The following LY9 variants were observed in gnomAD, a reference collection of about 807,000 sequenced individuals.
LY9 encodes T-lymphocyte surface antigen Ly-9.
Under a neutral mutation model 64.6 loss-of-function variants are expected in LY9, and 59 were observed. The observed-to-expected ratio is 0.91, with a 90% CI of 0.74 to 1.13. LY9 has a LOEUF of 1.13. Ranked by LOEUF, LY9 falls within the 50% of genes most tolerant of loss-of-function variation. The pLI, the probability that LY9 is intolerant of heterozygous loss-of-function variation, is 0.00. For missense variants in LY9, 789 were observed against 797.2 expected (o/e 0.99, Z 0.12); for synonymous variants, 281 against 308.5 (o/e 0.91, Z 0.93).
At chr1:160,825,687 A>G (rs1354336716) in intron 9 of LY9, among the ~76,000 whole-genome samples, 2 of 152,168 alleles carry the variant, frequency 1.3e-5, no homozygotes, top group Non-Finnish European at 2.9e-5. Flanking sequence ...AGGCAGGTGG[A>G]TCACCTGAGG....
chr1:160,827,167 T>C (rs1213999784), intron 9 of LY9, among the ~76,000 whole-genome samples: 1 of 152,176 alleles, frequency 6.6e-6, no homozygotes, highest in East Asian at 1.9e-4. Context: ...CCTACTTTAG[T>C]TCTTATTTCT....
intron 2 of LY9, among the ~76,000 whole-genome samples, chr1:160,805,739 T>TCACA (rs1491182156): frequency 7.0e-4 from 78 of 111,950 alleles, no homozygotes; most frequent in East Asian, 3.3e-3. Context: ...TCTCTCTCTG[T>TCACA]CTCACACACA....
intron 2 of LY9, chr1:160,802,150 G>A (rs1666557757): frequency 2.3e-6 from 3 of 1,298,248 alleles, no homozygotes; most frequent in Admixed American, 3.7e-5. Context: ...AGCCGCTGAC[G>A]CCCGCAGGAA....
At chr1:160,807,449 G>C (rs931335206) in intron 2 of LY9, among the ~76,000 whole-genome samples, 2 of 152,204 alleles carry the variant, frequency 1.3e-5, no homozygotes, top group African/African-American at 4.8e-5. Context: ...AGGCCACAGT[G>C]GTGGCAGCAT....
At chr1:160,805,389 T>G (rs1229024790) in intron 2 of LY9, among the ~76,000 whole-genome samples, 2 of 152,144 alleles carry the variant, frequency 1.3e-5, no homozygotes, top group Non-Finnish European at 2.9e-5. Flanking sequence ...TTAATTTCCA[T>G]GTATTTGTAT....
chr1:160,796,487 G>T (rs969889373), intron 1 of LY9, among the ~76,000 whole-genome samples, 176 bp downstream of exon 1: 12 of 152,056 alleles, frequency 7.9e-5, no homozygotes, highest in African/African-American at 2.9e-4. Context: ...CCACCTCCTG[G>T]GTTCAAGCGA....
chr1:160,798,859 T>G (rs1356072124), intron 1 of LY9: 1 of 152,174 alleles, frequency 6.6e-6, no homozygotes, highest in Non-Finnish European at 1.5e-5. Context: ...CAAACCCATC[T>G]GTTTTGGTCT....
rs1331401772 is a variant in LY9 at position 160,824,170 on chromosome 1, G to A, written c.1831-11G>A. 6.2e-7 allele frequency: 1 copy of A among 1,614,028 alleles called. No individual in the cohort carries two copies. The highest frequency in any genetic ancestry group is 8.5e-7 in the Non-Finnish European group (1 of 1,180,016). ...GGTCACTAGGGCTCATCTGCTGTTG[G>A]TGTGTTACAGGGAAAGACCCCAGTT... On this transcript the variant is annotated splice_polypyrimidine_tract_variant and intron_variant, in intron 8 of 9. Coordinates refer to ENST00000263285, the MANE Select transcript of LY9 (RefSeq NM_002348.4).
intron 9 of LY9, among the ~76,000 whole-genome samples, chr1:160,826,907 T>A (rs1668880682): frequency 1.3e-5 from 2 of 152,190 alleles, no homozygotes; most frequent in Admixed American, 1.3e-4. Context: ...CGGTCAAACT[T>A]AAAGTCAGTC....
At position 160,818,321 on chromosome 1, in the gene LY9, T is replaced by A. The variant is rs1454587501; in HGVS notation, c.1444+2T>A. ...GCATTTGGAAGCGAAAAGGACGGTG[T>A]GAGTTTCCGAGATCAATGTTGTCCG... On this transcript the variant is annotated splice_donor_variant, in intron 6 of 9. Transcript: ENST00000263285. LOFTEE classifies it high-confidence loss of function. 3 of 1,612,288 alleles carry A rather than the reference T, an allele frequency of 1.9e-6. No homozygotes were observed. Among genetic ancestry groups the A allele is most frequent in the Non-Finnish European group, 2.5e-6 (3 of 1,178,372 alleles).
chr1:160,803,290 A>ATTT (rs55716945), intron 2 of LY9, among the ~76,000 whole-genome samples: 125 of 151,042 alleles, frequency 8.3e-4, no homozygotes, highest in Admixed American at 3.3e-3. Context: ...CTAAAAAAAA[A>ATTT]TTTTTTTTTT....
intron 2 of LY9, among the ~76,000 whole-genome samples, chr1:160,800,881 C>G (rs1666398728): frequency 6.6e-6 from 1 of 152,186 alleles, no homozygotes; most frequent in South Asian, 2.1e-4. Context: ...TGACTTCATT[C>G]TTTTGTGGCT....
intron 2 of LY9, among the ~76,000 whole-genome samples, chr1:160,808,546 G>A (rs527365979): frequency 6.6e-6 from 1 of 152,258 alleles, no homozygotes; most frequent in Non-Finnish European, 1.5e-5. Context: ...GGCCAGGACT[G>A]CATGATTCTG....
chr1:160,802,770 C>G (rs776879242), intron 2 of LY9: 4 of 672,056 alleles, frequency 6.0e-6, no homozygotes, highest in Non-Finnish European at 7.3e-6. Flanking sequence ...TTGGATTTGT[C>G]AAAGGTCAAT....
At chr1:160,801,667 A>T (rs986913415) in intron 2 of LY9, 7 of 709,304 alleles carry the variant, frequency 9.9e-6, no homozygotes, top group Non-Finnish European at 4.7e-6. Flanking sequence ...GTTTTCTTCT[A>T]GTATTTTTAT....
chr1:160,821,158 A>AAAAAAAAAAAAAAAC (rs1668407548), intron 7 of LY9, among the ~76,000 whole-genome samples: 1 of 150,398 alleles, frequency 6.6e-6, no homozygotes, highest in Admixed American at 6.6e-5. Flanking sequence ...TGCTAAAAAA[A>AAAAAAAAAAAAAAAC]AAAAAAAAAA....
At chr1:160,821,301 A>G (rs570087155) in intron 7 of LY9, among the ~76,000 whole-genome samples, 14 of 152,282 alleles carry the variant, frequency 9.2e-5, no homozygotes, top group African/African-American at 2.2e-4. Flanking sequence ...GAAACTTTTA[A>G]TGCATTTGCA....
At chr1:160,802,008 C>T (rs1186293406) in intron 2 of LY9, 1 of 1,516,380 alleles carries the variant, frequency 6.6e-7, no homozygotes, top group Admixed American at 2.1e-5. Context: ...CGATGGGACC[C>T]TGCCAGGCCC....
At position 160,813,843 on chromosome 1, in the gene LY9, T is replaced by A. The variant is rs1271952742; in HGVS notation, c.662T>A (p.Ile221Asn). ...CCATGTGACCCAGACCTGCCATACA[T>A]CTGCACAGCCCAGAACCCCGTCAGC... ...RTPCDPDLPY[I>N]CTAQNPVSQR... The change falls in exon 3 of 10, where the codon ATC (isoleucine) becomes AAC (asparagine). Residue 221 changes from isoleucine (I) to asparagine (N), a missense_variant. Ile to Asn is a moderately radical substitution (Grantham distance 149). Coordinates refer to ENST00000263285, the MANE Select transcript of LY9 (RefSeq NM_002348.4). The A allele has an allele frequency of 6.2e-7, 1 of 1,614,154 alleles. No individual in the cohort carries two copies. The highest frequency in any genetic ancestry group is 8.5e-7 in the Non-Finnish European group (1 of 1,180,022).
Sources: gnomAD v4.1 joint callset for allele counts (sites outside exome capture counted in the v4.1 genomes callset) on GRCh38, gnomAD v4.1.1 for gene constraint, MANE v1.5 for transcripts, NCBI Gene and HGNC (gene_info 2026-07-23, HGNC 2026-07-21) for gene names.